NCR2: variants seen among roughly 807,000 people sequenced by gnomAD.
NCR2 encodes natural cytotoxicity triggering receptor 2.
A neutral mutation model predicts 30.7 loss-of-function variants in NCR2; 35 were observed. The observed-to-expected ratio is 1.14, with a 90% CI of 0.87 to 1.51. The LOEUF is 1.51. Among genes scored for constraint, NCR2 ranks in the 40% most tolerant of loss-of-function variants. NCR2 has a pLI of 0.00. For missense variants in NCR2, 316 were observed against 328.9 expected (o/e 0.96, Z 0.30); for synonymous variants, 146 against 134.8 (o/e 1.08, Z -0.58).
intron 4 of NCR2, among the ~76,000 whole-genome samples, chr6:41,344,877 G>A (rs1769264808): frequency 6.6e-6 from 1 of 152,322 alleles, no homozygotes; most frequent in Middle Eastern, 3.4e-3. Flanking sequence ...CGGGAGTATG[G>A]CTCCATTTTT....
intron 4 of NCR2, among the ~76,000 whole-genome samples, chr6:41,346,418 A>C (rs1271198816): frequency 2.0e-5 from 3 of 151,712 alleles, no homozygotes; most frequent in African/African-American, 7.3e-5. Flanking sequence ...CACCACAGGG[A>C]CCCATGATCC....
At chr6:41,343,789 G>A (rs908559233) in intron 4 of NCR2, among the ~76,000 whole-genome samples, 15 of 133,612 alleles carry the variant, frequency 1.1e-4, no homozygotes, top group African/African-American at 3.3e-4. Flanking sequence ...CTAATTTCTC[G>A]GAAGGTGAGA....
chr6:41,337,099 C>G (rs80294988), intron 2 of NCR2, among the ~76,000 whole-genome samples: 1,711 of 152,162 alleles, frequency 0.011, 12 homozygotes, highest in Non-Finnish European at 0.016. Context: ...CAAACTCCTG[C>G]TCAGAGCAGA....
intron 4 of NCR2, among the ~76,000 whole-genome samples, chr6:41,345,975 G>GT (rs2114063641): frequency 6.6e-6 from 1 of 152,220 alleles, no homozygotes; most frequent in African/African-American, 2.4e-5. Context: ...GAGCCCAAGG[G>GT]TGGGGTCAGT....
chr6:41,347,396 C>T (rs1769327873), intron 4 of NCR2, among the ~76,000 whole-genome samples: 1 of 152,200 alleles, frequency 6.6e-6, no homozygotes, highest in Admixed American at 6.5e-5. Context: ...CATGAAAGGA[C>T]TGGCTGCACC....
chr6:41,349,627 TG>T (rs1171836892), intron 4 of NCR2, among the ~76,000 whole-genome samples: 1 of 152,198 alleles, frequency 6.6e-6, no homozygotes, highest in African/African-American at 2.4e-5. Flanking sequence ...GCTTCTGAGT[TG>T]GTGAACACAT....
In NCR2 at chr6:41,344,794, C is replaced by T. The variant is rs78634692; in HGVS notation, c.644+2645C>T. 9.8e-3 allele frequency among the ~76,000 whole-genome samples: 1,492 copies of T among 152,344 alleles called. 19 individuals carry two copies. The highest frequency in any genetic ancestry group is 0.032 in the African/African-American group (1,320 of 41,558). Reference sequence around the variant, plus strand: ...TTCAGAGCTTTCTGGAAACCTTTGCCGCTTCTCGGCCACCCACTTGCTTAG... The same window carrying T: ...TTCAGAGCTTTCTGGAAACCTTTGCTGCTTCTCGGCCACCCACTTGCTTAG... On this transcript the variant is annotated intron_variant, in intron 4 of 4. Coordinates refer to ENST00000373089, the MANE Select transcript of NCR2 (RefSeq NM_004828.4).
intron 2 of NCR2, among the ~76,000 whole-genome samples, chr6:41,340,993 T>G (rs1470126889): frequency 6.6e-6 from 1 of 152,048 alleles, no homozygotes; most frequent in African/African-American, 2.4e-5. Context: ...CCTTTCCCCT[T>G]CTTTCCCCTT....
chr6:41,343,001 T>A, intron 4 of NCR2: 1 of 1,550,486 alleles, frequency 6.4e-7, no homozygotes, highest in Middle Eastern at 1.7e-4. Context: ...CATAGACACT[T>A]CCCACTGAGC....
At chr6:41,339,350 C>CTGCACCTGACCCAACTCAAGGTCTT (rs1769114777) in intron 2 of NCR2, among the ~76,000 whole-genome samples, 1 of 151,666 alleles carries the variant, frequency 6.6e-6, no homozygotes. Flanking sequence ...GCTTGAGCCA[C>CTGCACCTGACCCAACTCAAGGTCTT]CATGCCCAGA....
At chr6:41,349,175 T>G (rs1008803657) in intron 4 of NCR2, among the ~76,000 whole-genome samples, 1 of 147,800 alleles carries the variant, frequency 6.8e-6, no homozygotes, top group Non-Finnish European at 1.5e-5. Flanking sequence ...AATTATAATT[T>G]TATATATTAT....
In NCR2 at chr6:41,342,022, C is replaced by A; in HGVS notation, c.531-14C>A. The A allele has an allele frequency of 6.2e-7, 1 of 1,613,976 alleles. No homozygotes were observed. The highest frequency in any genetic ancestry group is 8.5e-7 in the Non-Finnish European group (1 of 1,179,958). On this transcript the variant is annotated splice_polypyrimidine_tract_variant and intron_variant, in intron 3 of 4. Coordinates refer to ENST00000373089, the MANE Select transcript of NCR2 (RefSeq NM_004828.4). ...CAGCCCGTCCTCTCCCCTTCCTGTCCCTCTGCCTTCCAGGCCACAGAACTC... is the reference window on the plus strand; with the variant it reads ...CAGCCCGTCCTCTCCCCTTCCTGTCACTCTGCCTTCCAGGCCACAGAACTC...
At chr6:41,349,461 G>T (rs1234291712) in intron 4 of NCR2, among the ~76,000 whole-genome samples, 1 of 152,102 alleles carries the variant, frequency 6.6e-6, no homozygotes, top group East Asian at 1.9e-4. Context: ...TTGGATGGGG[G>T]CTGGTCACCA....
At chr6:41,340,205 A>C (rs1355671488) in intron 2 of NCR2, among the ~76,000 whole-genome samples, 1 of 150,746 alleles carries the variant, frequency 6.6e-6, no homozygotes, top group African/African-American at 2.5e-5. Context: ...TCTGTCACCC[A>C]GGCTGGAGTG....
At chr6:41,345,133 G>C (rs1031172178) in intron 4 of NCR2, among the ~76,000 whole-genome samples, 1 of 152,152 alleles carries the variant, frequency 6.6e-6, no homozygotes, top group African/African-American at 2.4e-5. Context: ...TTGAGAGAGA[G>C]GAAAGACAGA....
At chr6:41,337,135 G>A (rs1561940668) in intron 2 of NCR2, among the ~76,000 whole-genome samples, 1 of 151,764 alleles carries the variant, frequency 6.6e-6, no homozygotes, top group Non-Finnish European at 1.5e-5. Context: ...TGTGGAAGAG[G>A]ACCTTCTAAA....
At chr6:41,339,569 T>C (rs981542655) in intron 2 of NCR2, among the ~76,000 whole-genome samples, 1 of 151,554 alleles carries the variant, frequency 6.6e-6, no homozygotes. Context: ...ATATTTTTAC[T>C]AGAGATGGGG....
intron 4 of NCR2, chr6:41,343,102 G>C: frequency 1.6e-6 from 2 of 1,274,484 alleles, no homozygotes; most frequent in African/African-American, 3.0e-5. Context: ...TATCCGCAAA[G>C]AAAAGGCCAG....
At chr6:41,339,638 G>A (rs1046867741) in intron 2 of NCR2, among the ~76,000 whole-genome samples, 6 of 152,240 alleles carry the variant, frequency 3.9e-5, no homozygotes, top group Admixed American at 3.9e-4. Flanking sequence ...GCCCTCCTCG[G>A]CCTCCCAAAG....
Sources: gnomAD v4.1 joint callset for allele counts (sites outside exome capture counted in the v4.1 genomes callset) on GRCh38, gnomAD v4.1.1 for gene constraint, MANE v1.5 for transcripts, NCBI Gene and HGNC (gene_info 2026-07-23, HGNC 2026-07-21) for gene names.